Variants in DIS3L2 observed in about 807,000 individuals in gnomAD.
The protein encoded by DIS3L2 is DIS3-like exonuclease 2.
A neutral mutation model predicts 97.5 loss-of-function variants in DIS3L2; 34 were observed. The observed-to-expected ratio is 0.35, with a 90% confidence interval of 0.27 to 0.46. The LOEUF is 0.46. Ranked by LOEUF, DIS3L2 falls within the 20% of genes least tolerant of loss-of-function variation. The pLI is 1.00. For synonymous variants in DIS3L2, 435 were observed against 445.2 expected, an observed-to-expected ratio of 0.98 and a Z score of 0.29; for missense variants, 1,038 against 1,146.0, an observed-to-expected ratio of 0.91 and a Z score of 1.36.
At chr2:232,144,091 A>G (rs968352878) in intron 8 of DIS3L2, among the ~76,000 whole-genome samples, 2 of 152,090 alleles carry the variant, frequency 1.3e-5, no homozygotes, top group Non-Finnish European at 1.5e-5. Context: ...TAATTTAGCA[A>G]TGTACATTTG....
At chr2:232,307,408 A>T (rs754900846) in intron 14 of DIS3L2, 4 of 152,244 alleles carry the variant, frequency 2.6e-5, no homozygotes, top group Non-Finnish European at 5.9e-5. Flanking sequence ...AACTGTCTTC[A>T]TGGATAGCTG....
chr2:232,016,370 C>T (rs527608271), intron 3 of DIS3L2, among the ~76,000 whole-genome samples: 1 of 152,212 alleles, frequency 6.6e-6, no homozygotes, highest in South Asian at 2.1e-4. Context: ...GCTTGCAGCC[C>T]AGTGGTGGGA....
intron 14 of DIS3L2, among the ~76,000 whole-genome samples, chr2:232,314,950 A>G (rs1402286258): frequency 3.3e-5 from 5 of 152,176 alleles, no homozygotes; most frequent in Non-Finnish European, 7.3e-5. Context: ...AAGGTCCTGG[A>G]ATGACTCGTT....
At chr2:232,053,006 A>G (rs1406461830) in intron 5 of DIS3L2, among the ~76,000 whole-genome samples, 1 of 152,206 alleles carries the variant, frequency 6.6e-6, no homozygotes, top group Non-Finnish European at 1.5e-5. Flanking sequence ...CTTTGATAAC[A>G]CTGCATGTTG....
At chr2:232,097,029 T>C (rs931594292) in intron 6 of DIS3L2, among the ~76,000 whole-genome samples, 4 of 152,182 alleles carry the variant, frequency 2.6e-5, no homozygotes, top group African/African-American at 9.7e-5. Flanking sequence ...ATTGTAGTGT[T>C]CGTGGTCTAG....
intron 6 of DIS3L2, among the ~76,000 whole-genome samples, chr2:232,109,090 A>C (rs1697444454): frequency 1.3e-5 from 2 of 152,198 alleles, no homozygotes; most frequent in South Asian, 4.1e-4. Context: ...AAAGTGCCTG[A>C]ATAGCCAAGG....
intron 10 of DIS3L2, among the ~76,000 whole-genome samples, chr2:232,221,893 C>T (rs980669305): frequency 6.6e-6 from 1 of 152,156 alleles, no homozygotes; most frequent in Non-Finnish European, 1.5e-5. Context: ...ATGCCCAGTG[C>T]TTCGAATGCT....
intron 15 of DIS3L2, among the ~76,000 whole-genome samples, chr2:232,330,244 G>A (rs1007305424): frequency 6.6e-6 from 1 of 152,240 alleles, no homozygotes; most frequent in Non-Finnish European, 1.5e-5. Context: ...CAGAGGGCAG[G>A]GGTCCTGTGG....
At chr2:232,329,785 T>TCCCGGGGGGGGGC in intron 14 of DIS3L2, 28 bp from the exon 15 acceptor site, 60 of 967,118 alleles carry the variant, frequency 6.2e-5, no homozygotes, top group Middle Eastern at 3.5e-4. Flanking sequence ...ACCCCAGCGG[T>TCCCGGGGGGGGGC]CCCTCCCATC....
intron 5 of DIS3L2, among the ~76,000 whole-genome samples, chr2:232,064,515 G>A (rs780654918): frequency 1.4e-4 from 21 of 152,250 alleles, no homozygotes; most frequent in Non-Finnish European, 2.5e-4. Flanking sequence ...ACACATCATC[G>A]TAAGAACATA....
intron 12 of DIS3L2, among the ~76,000 whole-genome samples, chr2:232,257,609 G>A (rs138330988): frequency 1.3e-4 from 20 of 152,200 alleles, no homozygotes; most frequent in African/African-American, 3.6e-4. Context: ...ACGGAAGCCC[G>A]GAGCTCCTGC....
At chr2:232,329,787 C>CCGGGGGGGCA in intron 14 of DIS3L2, 26 bp from the exon 15 acceptor site, 1 of 1,062,210 alleles carries the variant, frequency 9.4e-7, no homozygotes, top group Non-Finnish European at 1.3e-6. Context: ...CCCAGCGGTC[C>CCGGGGGGGCA]CTCCCATCCC....
chr2:232,097,398 C>G (rs1697052410), intron 6 of DIS3L2, among the ~76,000 whole-genome samples: 1 of 152,114 alleles, frequency 6.6e-6, no homozygotes, highest in Non-Finnish European at 1.5e-5. Context: ...CACGCAAGGC[C>G]CACTGTAACC....
rs1690722865 is a variant in DIS3L2 at position 232,163,689 on chromosome 2, A to G, written c.1124+57A>G. 12 of 1,554,194 alleles carry G rather than the reference A, an allele frequency of 7.7e-6. No individual in the cohort carries two copies. The East Asian group carries it at 2.3e-4, about 30-fold the overall frequency. On this transcript the variant is annotated intron_variant, in intron 9 of 20. Coordinates refer to ENST00000325385, the MANE Select transcript of DIS3L2 (RefSeq NM_152383.5). ...TCTCCCTTTCTGCCTTAACTTTCCTAGGGGCTAGGCTTAGATGTTTTCATC... is the reference window on the plus strand; with the variant it reads ...TCTCCCTTTCTGCCTTAACTTTCCTGGGGGCTAGGCTTAGATGTTTTCATC...
intron 1 of DIS3L2, among the ~76,000 whole-genome samples, chr2:231,977,309 C>G (rs1574780193): frequency 6.6e-6 from 1 of 152,178 alleles, no homozygotes; most frequent in South Asian, 2.1e-4. Context: ...CATTTTCATG[C>G]TGTAGCACCC....
chr2:232,075,974 C>T (rs528445473), intron 5 of DIS3L2, among the ~76,000 whole-genome samples: 1 of 152,268 alleles, frequency 6.6e-6, no homozygotes, highest in African/African-American at 2.4e-5. Flanking sequence ...AAAGAAACTG[C>T]TTTTCCAAGG....
intron 5 of DIS3L2, among the ~76,000 whole-genome samples, chr2:232,085,596 A>T (rs544123422): frequency 6.6e-6 from 1 of 152,336 alleles, no homozygotes; most frequent in African/African-American, 2.4e-5. Flanking sequence ...GATTATTAAA[A>T]AGGATGCAGT....
intron 14 of DIS3L2, among the ~76,000 whole-genome samples, chr2:232,314,622 A>G (rs554934549): frequency 6.6e-6 from 1 of 152,374 alleles, no homozygotes; most frequent in South Asian, 2.1e-4. Flanking sequence ...TAAAGACCTT[A>G]AAGAGTAAAT....
In DIS3L2 at chr2:231,975,440, C is replaced by T. The variant is rs1408853701; in HGVS notation, c.-94+13675C>T. 5.3e-5 allele frequency among the ~76,000 whole-genome samples: 8 copies of T among 151,998 alleles called. No individual in the cohort carries two copies. In the East Asian group the frequency reaches 1.4e-3, roughly 26 times the overall value. Reference sequence around the variant, plus strand: ...GGGATGGGCCGGGCACCATGGCTCACGCCTGTAATCCCAGCACTTTGGGAG... The same window carrying T: ...GGGATGGGCCGGGCACCATGGCTCATGCCTGTAATCCCAGCACTTTGGGAG... On this transcript the variant is annotated intron_variant, in intron 1 of 20. Coordinates refer to ENST00000325385, the MANE Select transcript of DIS3L2 (RefSeq NM_152383.5).
Sources: allele counts gnomAD v4.1 joint callset (sites outside exome capture counted in the v4.1 genomes callset), GRCh38; gene constraint gnomAD v4.1.1; transcripts MANE v1.5; gene names NCBI Gene and HGNC (gene_info 2026-07-23, HGNC 2026-07-21).